Variants in FRMD4A observed in about 807,000 individuals in gnomAD.
The protein encoded by FRMD4A is FERM domain containing 4A.
Under a neutral mutation model 129.1 loss-of-function variants are expected in FRMD4A, and 29 were observed. That is an observed-to-expected ratio of 0.22 (90% CI 0.17 to 0.31). FRMD4A has a LOEUF of 0.31. FRMD4A is among the 10% of genes least tolerant of loss of function. FRMD4A has a pLI of 1.00. For missense variants in FRMD4A, 1,272 were observed against 1,375.8 expected, an observed-to-expected ratio of 0.92 and a Z score of 1.19; for synonymous variants, 634 against 571.6, an observed-to-expected ratio of 1.11 and a Z score of -1.56.
Position 13,890,414 on chromosome 10 carries a change from G to T in FRMD4A, c.46-31502C>A, listed in dbSNP as rs1378016059. ...CTTCCCAGGATGAAGTCAGCAGTTT[G>T]TCCCGGGCTCTCTGAGCGGTGCTTT... On this transcript the variant is annotated intron_variant, in intron 2 of 24. Transcript: ENST00000357447. 4 of 477,522 alleles carry T rather than the reference G, an allele frequency of 8.4e-6. No homozygotes were observed. The East Asian group carries it at 4.6e-4, about 55-fold the overall frequency. 29.6% of individuals were successfully genotyped at this position (477,522 alleles called of 1,614,324 possible). A position where few individuals can be genotyped will look rare whatever the true frequency, so the allele number is the denominator to read the frequency against.
At position 14,247,154 on chromosome 10, in the gene FRMD4A, G is replaced by A. The variant is rs530916561; in HGVS notation, c.45+82904C>T. 2.6e-5 allele frequency among the ~76,000 whole-genome samples: 4 copies of A among 152,164 alleles called. No homozygotes were observed. The South Asian group carries it at 6.2e-4, about 24-fold the overall frequency. ...TCTCAGCTCAAACTTGCCGATCCCC[G>A]CTGGCCACACAGGGAGACTAGTGAC... On this transcript the variant is annotated intron_variant, in intron 2 of 24. Coordinates refer to ENST00000357447, the MANE Select transcript of FRMD4A (RefSeq NM_018027.5).
At chr10:14,047,021 G>A (rs529637372) in intron 2 of FRMD4A, among the ~76,000 whole-genome samples, 1 of 152,232 alleles carries the variant, frequency 6.6e-6, no homozygotes, top group East Asian at 1.9e-4. Context: ...GTCAGAAGAT[G>A]GGGTGCTCAG....
At chr10:14,173,773 G>T (rs1452502740) in intron 2 of FRMD4A, among the ~76,000 whole-genome samples, 4 of 152,008 alleles carry the variant, frequency 2.6e-5, no homozygotes, top group Admixed American at 2.6e-4. Context: ...ACCGAGAGGC[G>T]AACTCATTTA....
At position 14,238,931 on chromosome 10, in the gene FRMD4A, C is replaced by G. The variant is rs146527833; in HGVS notation, c.45+91127G>C. Among the ~76,000 whole-genome samples, 1,458 of 152,268 alleles carry G rather than the reference C, an allele frequency of 9.6e-3. 29 individuals are homozygous for G. The highest frequency in any genetic ancestry group is 0.034 in the African/African-American group (1,403 of 41,530). On this transcript the variant is annotated intron_variant, in intron 2 of 24. Coordinates refer to ENST00000357447, the MANE Select transcript of FRMD4A (RefSeq NM_018027.5). ...GCCACATTTTCTTTATCTAGTCTAT[C>G]ATTGATGGGTATTTTGGTTGGTTCC...
intron 2 of FRMD4A, among the ~76,000 whole-genome samples, chr10:13,891,970 G>GCGC (rs1299920522): frequency 6.6e-4 from 98 of 149,334 alleles, no homozygotes; most frequent in African/African-American, 2.3e-3. Flanking sequence ...CGGCCACCGC[G>GCGC]CGCCACCGCC....
At chr10:14,258,464 AT>A (rs1160152315) in intron 2 of FRMD4A, among the ~76,000 whole-genome samples, 1 of 152,204 alleles carries the variant, frequency 6.6e-6, no homozygotes, top group African/African-American at 2.4e-5. Flanking sequence ...AGCACCACGC[AT>A]TATTAGGAAA....
chr10:13,784,100 G>T (rs897573385), intron 5 of FRMD4A, among the ~76,000 whole-genome samples: 3 of 152,148 alleles, frequency 2.0e-5, no homozygotes, highest in African/African-American at 7.2e-5. Context: ...CTAGGAGGGT[G>T]CTGGGTACCT....
intron 2 of FRMD4A, among the ~76,000 whole-genome samples, chr10:14,092,335 A>C (rs1032744860): frequency 2.0e-5 from 3 of 152,204 alleles, no homozygotes; most frequent in Non-Finnish European, 1.5e-5. Context: ...TTTCACTCCA[A>C]ATTGAGCTGC....
chr10:13,910,888 GAAAAAAAAAAAAAAAAAAAAAAA>G (rs141449954), intron 2 of FRMD4A, among the ~76,000 whole-genome samples: 1 of 83,100 alleles, frequency 1.2e-5, no homozygotes, highest in Non-Finnish European at 2.3e-5. Flanking sequence ...GGAGTTTCAT[GAAAAAAAAAAAAAAAAAAAAAAA>G]AAAAAAAAAA....
intron 2 of FRMD4A, among the ~76,000 whole-genome samples, chr10:13,877,054 A>T (rs966235204): frequency 2.0e-5 from 3 of 152,124 alleles, no homozygotes; most frequent in Non-Finnish European, 4.4e-5. Context: ...CATAGATAAG[A>T]GTTGGGGAAT....
chr10:14,086,117 A>G (rs1229658572), intron 2 of FRMD4A, among the ~76,000 whole-genome samples: 1 of 152,234 alleles, frequency 6.6e-6, no homozygotes, highest in Non-Finnish European at 1.5e-5. Context: ...AAATGAAAGT[A>G]GTGTATTTTT....
chr10:14,045,227 T>A (rs575318359), intron 2 of FRMD4A, among the ~76,000 whole-genome samples: 6,287 of 152,270 alleles, frequency 0.041, 179 homozygotes, highest in Non-Finnish European at 0.06. Flanking sequence ...TTCATGTGAC[T>A]TACACTGTAG....
chr10:13,917,746 G>T (rs1044167379), intron 2 of FRMD4A, among the ~76,000 whole-genome samples: 3 of 152,136 alleles, frequency 2.0e-5, no homozygotes, highest in African/African-American at 7.2e-5. Flanking sequence ...CAGTTGGCAG[G>T]GCTGGCACCG....
intron 2 of FRMD4A, among the ~76,000 whole-genome samples, chr10:13,868,683 C>T (rs2094403847): frequency 6.6e-6 from 1 of 152,130 alleles, no homozygotes; most frequent in Non-Finnish European, 1.5e-5. Context: ...CCTATAGTCC[C>T]AGCTACTCGG....
intron 16 of FRMD4A, among the ~76,000 whole-genome samples, chr10:13,673,745 A>T (rs1041181028): frequency 6.6e-6 from 1 of 151,518 alleles, no homozygotes; most frequent in African/African-American, 2.4e-5. Flanking sequence ...AGACTAGCAC[A>T]TACATAGGGT....
intron 19 of FRMD4A, among the ~76,000 whole-genome samples, chr10:13,661,669 G>A (rs2082650596): frequency 6.6e-6 from 1 of 152,130 alleles, no homozygotes; most frequent in African/African-American, 2.4e-5. Flanking sequence ...AGAAAGGAAG[G>A]GAGAGAGACT....
intron 2 of FRMD4A, among the ~76,000 whole-genome samples, chr10:13,991,407 G>A (rs2095602868): frequency 6.6e-6 from 1 of 152,156 alleles, no homozygotes; most frequent in Admixed American, 6.5e-5. Flanking sequence ...AGGACAGTGT[G>A]CACCTGCTTT....
rs78302940 is a variant in FRMD4A at position 14,250,853 on chromosome 10, G to A, written c.45+79205C>T. Among the ~76,000 whole-genome samples the A allele has an allele frequency of 9.8e-5, 15 of 152,302 alleles. No homozygotes were observed. The East Asian group carries it at 2.9e-3, about 29-fold the overall frequency. On this transcript the variant is annotated intron_variant, in intron 2 of 24. Transcript: ENST00000357447. Reference sequence around the variant, plus strand: ...CAGGCACTTGCTGGTCTCTGGGAGTGATGTCCAGCACCTACAGGGCTAATA... The same window carrying A: ...CAGGCACTTGCTGGTCTCTGGGAGTAATGTCCAGCACCTACAGGGCTAATA...
At chr10:13,991,585 A>T (rs1011823734) in intron 2 of FRMD4A, among the ~76,000 whole-genome samples, 1 of 152,224 alleles carries the variant, frequency 6.6e-6, no homozygotes, top group African/African-American at 2.4e-5. Context: ...CTTCTGGGAA[A>T]AAAGAACCAC....
Sources: allele counts gnomAD v4.1 joint callset (sites outside exome capture counted in the v4.1 genomes callset), GRCh38; gene constraint gnomAD v4.1.1; transcripts MANE v1.5; gene names NCBI Gene and HGNC (gene_info 2026-07-23, HGNC 2026-07-21).